Variants in GRID1 observed in about 807,000 individuals in gnomAD.
GRID1 encodes the protein glutamate receptor ionotropic, delta-1.
Under a neutral mutation model 98.0 loss-of-function variants are expected in GRID1, and 28 were observed. That is an observed-to-expected ratio of 0.29 (90% confidence interval 0.21 to 0.39). GRID1 has a LOEUF of 0.39. GRID1 is among the 10% of genes least tolerant of loss of function. The pLI, the probability that GRID1 is intolerant of heterozygous loss-of-function variation, is 1.00. For synonymous variants in GRID1, 553 were observed against 538.5 expected, an observed-to-expected ratio of 1.03 and a Z score of -0.37; for missense variants, 1,111 against 1,340.5, an observed-to-expected ratio of 0.83 and a Z score of 2.67.
At chr10:86,212,065 C>T (rs1044644628) in intron 2 of GRID1, among the ~76,000 whole-genome samples, 1 of 152,208 alleles carries the variant, frequency 6.6e-6, no homozygotes, top group Non-Finnish European at 1.5e-5. Flanking sequence ...TCACTCTAGG[C>T]GCCATCACTA....
At chr10:85,930,666 A>C (rs1176639744) in intron 4 of GRID1, among the ~76,000 whole-genome samples, 1 of 151,954 alleles carries the variant, frequency 6.6e-6, no homozygotes. Flanking sequence ...CCATCCTACC[A>C]CAGAAACTTC....
chr10:85,741,372 A>T (rs1344344366), intron 8 of GRID1, among the ~76,000 whole-genome samples: 1 of 152,052 alleles, frequency 6.6e-6, no homozygotes, highest in African/African-American at 2.4e-5. Flanking sequence ...ATAAATATAT[A>T]TTTTTTTAAA....
chr10:86,025,399 T>C (rs1210048769), intron 4 of GRID1, among the ~76,000 whole-genome samples: 2 of 152,174 alleles, frequency 1.3e-5, no homozygotes, highest in Non-Finnish European at 2.9e-5. Context: ...CAAGAGTAAC[T>C]TGACTCACTT....
chr10:85,845,968 G>A (rs1843001561), intron 8 of GRID1, among the ~76,000 whole-genome samples: 1 of 152,124 alleles, frequency 6.6e-6, no homozygotes. Context: ...TGGTGGGTGT[G>A]GTGATGAAAG....
At chr10:85,856,711 C>T (rs1843113339) in intron 6 of GRID1, among the ~76,000 whole-genome samples, 1 of 152,218 alleles carries the variant, frequency 6.6e-6, no homozygotes, top group African/African-American at 2.4e-5. Flanking sequence ...AACTTGAAAG[C>T]AGCCATAGAC....
At chr10:86,200,749 A>T (rs1845938499) in intron 3 of GRID1, among the ~76,000 whole-genome samples, 1 of 152,260 alleles carries the variant, frequency 6.6e-6, no homozygotes, top group Admixed American at 6.5e-5. Context: ...GCTCGATTTT[A>T]AAAACAGGCA....
chr10:85,697,774 A>G (rs572882805), intron 12 of GRID1, among the ~76,000 whole-genome samples: 1 of 152,182 alleles, frequency 6.6e-6, no homozygotes, highest in African/African-American at 2.4e-5. Context: ...TTGAAATTTT[A>G]TAGATCATTT....
chr10:85,975,661 C>CT (rs1842463250), intron 4 of GRID1, among the ~76,000 whole-genome samples: 1 of 152,140 alleles, frequency 6.6e-6, no homozygotes, highest in African/African-American at 2.4e-5. Flanking sequence ...CTTTTGGAGA[C>CT]TGACTCTTTT....
rs115974416 is a variant in GRID1, at chr10:85,759,502, A to C, written c.1234-29888T>G. ...AACAACCAACTCCCTCTTGGAATAT[A>C]TCTCTCTGACTTTTCCTTGACTGAT... On this transcript the variant is annotated intron_variant, in intron 8 of 15. Coordinates refer to ENST00000327946, the MANE Select transcript of GRID1 (RefSeq NM_017551.3). Among the ~76,000 whole-genome samples the C allele has an allele frequency of 2.8e-3, 420 of 152,294 alleles. 5 individuals are homozygous for C. Among genetic ancestry groups the C allele is most frequent in the African/African-American group, 9.9e-3 (411 of 41,552 alleles).
intron 2 of GRID1, among the ~76,000 whole-genome samples, chr10:86,330,957 G>A (rs1485562405): frequency 1.3e-5 from 2 of 152,126 alleles, no homozygotes; most frequent in African/African-American, 4.8e-5. Flanking sequence ...GGGCCTGGAG[G>A]CCAGGACTAG....
At chr10:85,652,579 C>A (rs553942372) in intron 12 of GRID1, among the ~76,000 whole-genome samples, 1 of 152,230 alleles carries the variant, frequency 6.6e-6, no homozygotes, top group South Asian at 2.1e-4. Context: ...CCTACAGATG[C>A]CTTTACTATC....
At chr10:85,896,194 C>T (rs1264396229) in intron 5 of GRID1, among the ~76,000 whole-genome samples, 1 of 152,106 alleles carries the variant, frequency 6.6e-6, no homozygotes, top group Non-Finnish European at 1.5e-5. Context: ...CTGTCTATTT[C>T]TAGTTAACAG....
chr10:86,001,153 G>A (rs1842798316), intron 4 of GRID1, among the ~76,000 whole-genome samples: 1 of 152,152 alleles, frequency 6.6e-6, no homozygotes, highest in South Asian at 2.1e-4. Flanking sequence ...AAACCATCAT[G>A]ATGGAGAACA....
At chr10:86,337,147 G>A (rs985527358) in intron 2 of GRID1, among the ~76,000 whole-genome samples, 64 of 151,650 alleles carry the variant, frequency 4.2e-4, no homozygotes, top group African/African-American at 1.5e-3. Flanking sequence ...CACGGTGCCC[G>A]GCCAGCCTGG....
At chr10:85,610,143 C>A (rs1842716901) in intron 15 of GRID1, among the ~76,000 whole-genome samples, 1 of 152,178 alleles carries the variant, frequency 6.6e-6, no homozygotes, top group South Asian at 2.1e-4. Flanking sequence ...CAAAGATTAA[C>A]CAGACACTCT....
intron 4 of GRID1, among the ~76,000 whole-genome samples, chr10:86,002,906 A>C (rs1842818168): frequency 6.6e-6 from 1 of 152,252 alleles, no homozygotes; most frequent in Non-Finnish European, 1.5e-5. Context: ...AAAGCCATAA[A>C]GACTGATGAA....
intron 8 of GRID1, among the ~76,000 whole-genome samples, chr10:85,759,738 A>G (rs1842130476): frequency 6.6e-6 from 1 of 152,248 alleles, no homozygotes; most frequent in Non-Finnish European, 1.5e-5. Context: ...TTTAATTTCC[A>G]AGGGAAACTA....
At chr10:85,655,219 C>T (rs966815023) in intron 12 of GRID1, among the ~76,000 whole-genome samples, 2 of 152,130 alleles carry the variant, frequency 1.3e-5, no homozygotes, top group Admixed American at 6.5e-5. Flanking sequence ...TCTGCTGTGC[C>T]CTGACTAAAA....
At chr10:85,802,522 G>A (rs778146172) in intron 8 of GRID1, among the ~76,000 whole-genome samples, 28 of 151,880 alleles carry the variant, frequency 1.8e-4, no homozygotes, top group Admixed American at 7.9e-4. Flanking sequence ...ATGCTTATTC[G>A]TAACCTTTTA....
Sources: gnomAD v4.1 joint callset for allele counts (sites outside exome capture counted in the v4.1 genomes callset) on GRCh38, gnomAD v4.1.1 for gene constraint, MANE v1.5 for transcripts, NCBI Gene and HGNC (gene_info 2026-07-23, HGNC 2026-07-21) for gene names.